The following IL13RA2 variants were observed in gnomAD, a reference collection of about 807,000 sequenced individuals.
The protein encoded by IL13RA2 is interleukin 13 receptor subunit alpha 2.
IL13RA2 carries 25 observed loss-of-function variants against 34.1 expected under a neutral mutation model. The ratio of observed to expected loss-of-function variants is 0.73; its 90% CI spans 0.53 to 1.03. The LOEUF (loss-of-function observed/expected upper bound fraction) is 1.03. Ranked by LOEUF, IL13RA2 falls within the 50% of genes least tolerant of loss-of-function variation. The pLI is 0.00. For synonymous variants in IL13RA2, 106 were observed against 100.4 expected (o/e 1.06, Z -0.33); for missense variants, 297 against 280.9 (o/e 1.06, Z -0.41).
At chrX:115,008,688 T>TAA (rs1228558905) in intron 7 of IL13RA2, among the ~76,000 whole-genome samples, 1 of 111,636 alleles carries the variant, frequency 9.0e-6, no homozygotes, top group Non-Finnish European at 1.9e-5. Context: ...CAAGGCTGGG[T>TAA]GATCTCAGAG....
Position 115,015,660 on chromosome X carries a change from C to T in IL13RA2, c.246+10G>A. Reference sequence around the variant, plus strand: ...ATCACTCTGATACGGCAAATGCATGCTTTACTTACCTTCCATGTTTCACTA... The same window carrying T: ...ATCACTCTGATACGGCAAATGCATGTTTTACTTACCTTCCATGTTTCACTA... On this transcript the variant is annotated intron_variant, in intron 3 of 9. Transcript: ENST00000243213. 1 of 1,195,486 alleles carries T rather than the reference C, an allele frequency of 8.4e-7. No individual in the cohort carries two copies. Among genetic ancestry groups the T allele is most frequent in the Non-Finnish European group, 1.1e-6 (1 of 881,246 alleles).
In IL13RA2 at chrX:115,015,639, C is replaced by T. The variant is rs181453037; in HGVS notation, c.246+31G>A. 2,384 of 1,166,844 alleles carry T rather than the reference C, an allele frequency of 2.0e-3. 3 individuals carry two copies. Among genetic ancestry groups the T allele is most frequent in the Non-Finnish European group, 2.3e-3 (2,010 of 856,627 alleles). On this transcript the variant is annotated intron_variant, in intron 3 of 9. Transcript: ENST00000243213. ...ATCACAAAGTAACACCTGATGATCA[C>T]TCTGATACGGCAAATGCATGCTTTA...
chrX:115,006,590 C>T (rs1490876036), intron 8 of IL13RA2, among the ~76,000 whole-genome samples: 3 of 110,696 alleles, frequency 2.7e-5, no homozygotes, highest in Middle Eastern at 4.7e-3. Flanking sequence ...GGCTGAGGCA[C>T]GAGAATCGCT....
intron 5 of IL13RA2, among the ~76,000 whole-genome samples, chrX:115,012,777 C>CA (rs112232206): frequency 0.13 from 12,878 of 95,698 alleles, 2,157 homozygotes; most frequent in African/African-American, 0.44. Context: ...AACAAACAAA[C>CA]AAAAAAAAAA....
chrX:115,014,688 A>G, intron 3 of IL13RA2, 114 bp from the exon 4 acceptor site: 3 of 419,343 alleles, frequency 7.2e-6, no homozygotes, highest in Non-Finnish European at 1.2e-5. Context: ...AATATCTAAG[A>G]CAATCCTAGA....
rs2071731865 is a variant in IL13RA2 at position 115,017,262 on chromosome X, A to G, written c.8T>C (p.Phe3Ser). ...TAAGCATCCGATAGCCAAGCAAACG[A>G]AAGCCATTTCTCCGAGATTTAAAAC... is the stretch of plus-strand genomic sequence containing the variant. MA[F>S]VCLAIGCLYT... Residue 3 changes from phenylalanine (F) to serine (S), a missense_variant, in exon 2 of 10, where the codon TTC becomes TCC. Transcript: ENST00000243213. 1 of 915,985 alleles carries G rather than the reference A, an allele frequency of 1.1e-6. No homozygotes were observed. Among genetic ancestry groups the G allele is most frequent in the Non-Finnish European group, 1.6e-6 (1 of 628,229 alleles). The allele number at this position is 915,985 out of a possible 1,213,427, so 75.5% of individuals were successfully genotyped here. A position where few individuals can be genotyped will look rare whatever the true frequency, so the allele number is the denominator to read the frequency against.
rs150444333 is a variant in IL13RA2, at chrX:115,005,216, G to T, written c.1097C>A (p.Pro366Gln). Residue 366 changes from proline (P) to glutamine (Q), a missense_variant, in exon 9 of 10, where the codon CCA becomes CAA. Physicochemically the swap from Pro to Gln is moderately conservative, Grantham distance 76. Coordinates refer to ENST00000243213, the MANE Select transcript of IL13RA2 (RefSeq NM_000640.3). Reference sequence around the variant, plus strand: ...TCTTACCATTTTTGGGTAGGTGTTTGGCTTACGCAAAAGCAGACCGGTTAC... The same window carrying T: ...TCTTACCATTTTTGGGTAGGTGTTTTGCTTACGCAAAAGCAGACCGGTTAC... ...IFVTGLLLRK[P>Q]NTYPKMIPEF... 9.9e-7 allele frequency: 1 copy of T among 1,013,057 alleles called. No homozygotes were observed. The highest frequency in any genetic ancestry group is 1.9e-5 in the South Asian group (1 of 52,823). 83.5% of individuals were successfully genotyped at this position (1,013,057 alleles called of 1,213,427 possible). A position where few individuals can be genotyped will look rare whatever the true frequency, so the allele number is the denominator to read the frequency against.
intron 4 of IL13RA2, 25 bp from the exon 5 acceptor site, chrX:115,013,914 G>T: frequency 3.0e-6 from 3 of 1,000,325 alleles, no homozygotes; most frequent in Non-Finnish European, 2.8e-6. Flanking sequence ...AACTGTGAAT[G>T]TTTGAAAGGC....
chrX:115,012,657 C>T (rs782424079), intron 5 of IL13RA2, among the ~76,000 whole-genome samples: 1 of 110,167 alleles, frequency 9.1e-6, no homozygotes, highest in Non-Finnish European at 1.9e-5. Flanking sequence ...CCCAGCTGCT[C>T]GGGAGGCTGA....
intron 5 of IL13RA2, among the ~76,000 whole-genome samples, chrX:115,013,471 T>C (rs997717808): frequency 3.6e-5 from 4 of 111,512 alleles, no homozygotes; most frequent in African/African-American, 1.3e-4. Context: ...AACAAGAATA[T>C]AAAATATGTC....
chrX:115,005,004 A>G (rs1403832365), intron 9 of IL13RA2, among the ~76,000 whole-genome samples, 193 bp downstream of exon 9: 1 of 112,907 alleles, frequency 8.9e-6, no homozygotes, highest in Non-Finnish European at 1.9e-5. Context: ...TCCACCTCAA[A>G]ATGAAGTCTT....
chrX:115,012,372 C>T (rs1343263350), intron 5 of IL13RA2, among the ~76,000 whole-genome samples: 2 of 111,575 alleles, frequency 1.8e-5, no homozygotes, highest in Admixed American at 1.9e-4. Context: ...ACAATTCATG[C>T]CCACCAATCC....
At chrX:115,015,499 G>T (rs1464264113) in intron 3 of IL13RA2, among the ~76,000 whole-genome samples, 171 bp downstream of exon 3, 1 of 111,319 alleles carries the variant, frequency 9.0e-6, no homozygotes, top group Non-Finnish European at 1.9e-5. Flanking sequence ...AACACTGGAT[G>T]GGGTGAAAAC....
chrX:115,008,673 T>C (rs782508017), intron 7 of IL13RA2, among the ~76,000 whole-genome samples: 15 of 111,885 alleles, frequency 1.3e-4, no homozygotes, highest in African/African-American at 3.9e-4. Context: ...GTTATGAGAC[T>C]ATCTCAAGGC....
At chrX:115,017,386 C>T (rs2071732624) in intron 1 of IL13RA2, 84 bp from the exon 2 acceptor site, 1 of 481,195 alleles carries the variant, frequency 2.1e-6, no homozygotes, top group Admixed American at 3.8e-5. Context: ...TTGGAAAGCT[C>T]TCTGTGTGCT....
intron 2 of IL13RA2, among the ~76,000 whole-genome samples, chrX:115,016,266 G>A (rs989417768): frequency 3.6e-5 from 4 of 110,921 alleles, no homozygotes; most frequent in South Asian, 3.7e-4. Context: ...AAAAACCAAC[G>A]TATAGTAAAG....
At chrX:115,007,136 A>C (rs17095874) in intron 8 of IL13RA2, among the ~76,000 whole-genome samples, 11,602 of 111,733 alleles carry the variant, frequency 0.1, 548 homozygotes, top group Non-Finnish European at 0.15. Flanking sequence ...TGCTTAATAA[A>C]TATTTGATGA....
rs781845545 is a variant in IL13RA2, at chrX:115,009,612, A to C, written c.761T>G (p.Ile254Ser). 5.8e-6 allele frequency: 7 copies of C among 1,203,076 alleles called. No individual in the cohort carries two copies. The Admixed American group carries it at 1.5e-4, about 26-fold the overall frequency. Reference protein sequence around the residue: ...LTFTRESSCEIKLKWSIPLGP... With the variant: ...LTFTRESSCESKLKWSIPLGP... The stretch of plus-strand genomic sequence containing the variant: ...CAAAGGTATGCTCCATTTCAGCTTA[A>C]TTTCACATGAACTCTCCCGAGTAAA... Residue 254 changes from isoleucine to serine, a missense_variant, in exon 7 of 10, where the codon ATT (isoleucine) becomes AGT (serine). By Grantham distance (142) the Ile-to-Ser change is moderately radical. Transcript: ENST00000243213.
Position 115,010,659 on chromosome X carries a change from GA to G in IL13RA2, c.690del (p.Gln231SerfsTer5). 1.0e-6 allele frequency: 1 copy of G among 954,549 alleles called. No individual in the cohort carries two copies. The highest frequency in any genetic ancestry group is 1.5e-6 in the Non-Finnish European group (1 of 688,561). The allele number at this position is 954,549 out of a possible 1,213,427, so 78.7% of individuals were successfully genotyped here. A position where few individuals can be genotyped will look rare whatever the true frequency, so the allele number is the denominator to read the frequency against. On this transcript the variant is annotated frameshift_variant, in exon 6 of 10. Transcript: ENST00000243213. LOFTEE classifies it high-confidence loss of function. ...NKPIRSSYFTFQLQNIVKPLP... is the reference protein window; with the variant it reads ...NKPIRSSYFTXQLQNIVKPLP... ...TTTACATCACCTATATTTTGAAGCT[GA>G]AAAGTGAAATAACTGGATCTGATAG...
Sources: gnomAD v4.1 joint callset for allele counts (sites outside exome capture counted in the v4.1 genomes callset) on GRCh38, gnomAD v4.1.1 for gene constraint, MANE v1.5 for transcripts, NCBI Gene and HGNC (gene_info 2026-07-23, HGNC 2026-07-21) for gene names.